The following HYAL2 variants were observed in gnomAD, a reference collection of about 807,000 sequenced individuals.
HYAL2 encodes hyaluronidase-2.
In HYAL2, 30 loss-of-function variants were observed where a neutral mutation model predicts 35.4. That is an observed-to-expected ratio of 0.85 (90% CI 0.63 to 1.15). The LOEUF (loss-of-function observed/expected upper bound fraction) is 1.15. Among genes scored for constraint, HYAL2 ranks in the 50% most tolerant of loss-of-function variants. The probability of loss-of-function intolerance (pLI) is 0.00; values close to 1 mark genes in which losing one functional copy is unlikely to be tolerated. For missense variants in HYAL2, 635 were observed against 646.5 expected, an observed-to-expected ratio of 0.98 and a Z score of 0.19; for synonymous variants, 262 against 252.8, an observed-to-expected ratio of 1.04 and a Z score of -0.34.
chr3:50,318,912 G>T lies in HYAL2; in HGVS notation c.1011+44C>A. 1 of 1,543,146 alleles carries T rather than the reference G, an allele frequency of 6.5e-7. No homozygotes were observed. The highest frequency in any genetic ancestry group is 9.0e-7 in the Non-Finnish European group (1 of 1,115,862). On this transcript the variant is annotated intron_variant, in intron 3 of 3. Coordinates refer to ENST00000357750, the MANE Select transcript of HYAL2 (RefSeq NM_003773.5). The surrounding 1 kb of genome is among the most constrained non-coding windows in gnomAD (Gnocchi z 4.5). ...TGGTAGCCAAAGGCCCTAACTCTCT[G>T]TCTGTCCCATAGACTGAGCTCTGGC...
chr3:50,320,386 G>A lies in HYAL2; in HGVS notation c.104C>T (p.Pro35Leu). Reference protein sequence around the residue: ...PTAPPIFTGRPFVVAWDVPTQ... With the variant: ...PTAPPIFTGRLFVVAWDVPTQ... The stretch of plus-strand genomic sequence containing the variant: ...GGGCACGTCCCACGCTACCACAAAG[G>A]GCCGGCCAGTGAAGATGGGTGGTGC... Residue 35 changes from proline to leucine, a missense_variant, in exon 2 of 4, where the codon CCC becomes CTC. By Grantham distance (98) the Pro-to-Leu change is moderately conservative. Transcript: ENST00000357750. The surrounding 1 kb of genome is among the most constrained non-coding windows in gnomAD (Gnocchi z 4.8). The A allele has an allele frequency of 6.2e-7, 1 of 1,612,368 alleles. No individual in the cohort carries two copies. The highest frequency in any genetic ancestry group is 8.5e-7 in the Non-Finnish European group (1 of 1,179,090).
intron 1 of HYAL2, chr3:50,321,440 T>C (rs1702693878): frequency 6.6e-6 from 1 of 152,104 alleles, no homozygotes; most frequent in African/African-American, 2.4e-5. Context: ...CTCCGGCCGT[T>C]CGCCCAGGCG....
Position 50,322,377 on chromosome 3 carries a change from C to A in HYAL2, c.-47+276G>T, listed in dbSNP as rs1218049154. ...GTTTCTGGCTGGACCTCCGAGAAAG[C>A]CAGCAAGAGGGGTCTCCCAGGGCCT... On this transcript the variant is annotated intron_variant, in intron 1 of 3. Coordinates refer to ENST00000357750, the MANE Select transcript of HYAL2 (RefSeq NM_003773.5). The surrounding 1 kb of genome is among the most constrained non-coding windows in gnomAD (Gnocchi z 5.5). 1 of 152,394 alleles carries A rather than the reference C, an allele frequency of 6.6e-6. No individual in the cohort carries two copies. Among genetic ancestry groups the A allele is most frequent in the Non-Finnish European group, 1.5e-5 (1 of 68,222 alleles). 9.4% of individuals were successfully genotyped at this position (152,394 alleles called of 1,614,324 possible).
In HYAL2 at chr3:50,318,966, G is replaced by C. The variant is rs1463536741; in HGVS notation, c.1001C>G (p.Thr334Ser). 2 of 1,613,546 alleles carry C rather than the reference G, an allele frequency of 1.2e-6. No homozygotes were observed. The highest frequency in any genetic ancestry group is 8.5e-7 in the Non-Finnish European group (1 of 1,179,728). Residue 334 changes from threonine (T) to serine (S), a missense_variant, in exon 3 of 4, where the codon ACC becomes AGC. Thr to Ser is a moderately conservative substitution (Grantham distance 58). Transcript: ENST00000357750. The surrounding 1 kb of genome is among the most constrained non-coding windows in gnomAD (Gnocchi z 4.5). ...GVILWGDAGY[T>S]TSTETCQYLK... ...CTGGGTCTCGCTTACCGTGCTTGTG[G>C]TGTACCCCGCGTCACCCCAGAGGAT...
In HYAL2 at chr3:50,319,051, C is replaced by A. The variant is rs199797993; in HGVS notation, c.922-6G>T. Reference sequence around the variant, plus strand: ...ATGGTAGAGATGAGGTCCATCTATGCAGGAAAAGGGATGGTCACTGGGGAA... The same window carrying A: ...ATGGTAGAGATGAGGTCCATCTATGAAGGAAAAGGGATGGTCACTGGGGAA... On this transcript the variant is annotated splice_region_variant and splice_polypyrimidine_tract_variant and intron_variant, in intron 2 of 3. Coordinates refer to ENST00000357750, the MANE Select transcript of HYAL2 (RefSeq NM_003773.5). 87 of 1,589,590 alleles carry A rather than the reference C, an allele frequency of 5.5e-5. No individual in the cohort carries two copies. Among genetic ancestry groups the A allele is most frequent in the Non-Finnish European group, 7.1e-5 (82 of 1,161,512 alleles).
rs200192248 is a variant in HYAL2 at position 50,318,513 on chromosome 3, G to A, written c.1038C>T (p.Tyr346=). The A allele has an allele frequency of 6.2e-7, 1 of 1,608,268 alleles. No individual in the cohort carries two copies. The highest frequency in any genetic ancestry group is 1.3e-5 in the African/African-American group (1 of 74,990). ...CGTAGGGGACCAGCAGCCGTGTCAG[G>A]TAATCTTTGAGGTACTGGCAGGTCT... ...STETCQYLKD[Y]LTRLLVPYVV... The change falls in exon 4 of 4, where the codon TAC becomes TAT. Residue 346 remains tyrosine (Y), a synonymous_variant. Transcript: ENST00000357750. This position sits in a 1 kb window ranked among gnomAD's most constrained non-coding sequence, Gnocchi z 4.5.
chr3:50,320,212 C>T lies in HYAL2; in HGVS notation c.278G>A (p.Gly93Glu), dbSNP rs782327523. 1.2e-6 allele frequency: 2 copies of T among 1,613,988 alleles called. No homozygotes were observed. The highest frequency in any genetic ancestry group is 1.7e-6 in the Non-Finnish European group (2 of 1,180,044). Residue 93 changes from glycine (G) to glutamate (E), a missense_variant, in exon 2 of 4, where the codon GGA (glycine) becomes GAA (glutamate). Coordinates refer to ENST00000357750, the MANE Select transcript of HYAL2 (RefSeq NM_003773.5). The surrounding 1 kb of genome is among the most constrained non-coding windows in gnomAD (Gnocchi z 4.8). ...TGGCACACCACCATGCACAGACCTT[C>T]CGGCAGAATCGAAGCGTGGATACAG... ...LGLYPRFDSAGRSVHGGVPQN... is the reference protein window; with the variant it reads ...LGLYPRFDSAERSVHGGVPQN...
At chr3:50,319,138 G>T in intron 2 of HYAL2, 93 bp from the exon 3 acceptor site, 1 of 821,590 alleles carries the variant, frequency 1.2e-6, no homozygotes, top group Non-Finnish European at 1.9e-6. Context: ...GATTCAACCT[G>T]CTGAACTCCC....
intron 2 of HYAL2, 38 bp downstream of exon 2, chr3:50,319,531 A>G (rs782422364): frequency 1.3e-6 from 2 of 1,555,274 alleles, no homozygotes; most frequent in African/African-American, 2.7e-5. Flanking sequence ...TGGATCCTCA[A>G]GGAAGGAGAA....
In HYAL2 at chr3:50,318,805, G is replaced by A. The variant is rs587601093; in HGVS notation, c.1011+151C>T. ...TCCTCTTTCCTGAGAGCAGGGCCGG[G>A]GTGACCTCCTCCTGTTGCCACCAGG... On this transcript the variant is annotated intron_variant, in intron 3 of 3. Transcript: ENST00000357750. The surrounding 1 kb of genome is among the most constrained non-coding windows in gnomAD (Gnocchi z 4.5). 3.9e-5 allele frequency: 29 copies of A among 738,286 alleles called. No homozygotes were observed. The East Asian group carries it at 6.7e-4, about 17-fold the overall frequency. 45.7% of individuals were successfully genotyped at this position (738,286 alleles called of 1,614,324 possible). A position where few individuals can be genotyped will look rare whatever the true frequency, so the allele number is the denominator to read the frequency against.
rs782364122 is a variant in HYAL2, at chr3:50,319,013, C to T, written c.954G>A (p.Ala318=). Residue 318 remains alanine (A), a synonymous_variant, in exon 3 of 4, where the codon GCG becomes GCA. Transcript: ENST00000357750. The stretch of plus-strand genomic sequence containing the variant: ...GGATGACACCAGCTGCGCCCAGGGC[C>T]GCACTCTCGCCAATGGTAGAGATGA... ...MDLISTIGES[A]ALGAAGVILW... is the part of the protein sequence containing the mutation. 2.4e-5 allele frequency: 38 copies of T among 1,609,940 alleles called. No individual in the cohort carries two copies. In the Admixed American group the frequency reaches 2.7e-4, roughly 11 times the overall value.
In HYAL2 at chr3:50,318,121, G is replaced by C; in HGVS notation, c.*8C>G. 1 of 1,544,664 alleles carries C rather than the reference G, an allele frequency of 6.5e-7. No individual in the cohort carries two copies. Among genetic ancestry groups the C allele is most frequent in the Non-Finnish European group, 8.7e-7 (1 of 1,144,114 alleles). ...GGCCAGCTTGCTAGGCAGCTAGGCA[G>C]GAGACCCCTACAAGGTCCAGGTAAA... On this transcript the variant is annotated 3_prime_UTR_variant, in exon 4 of 4. Coordinates refer to ENST00000357750, the MANE Select transcript of HYAL2 (RefSeq NM_003773.5). This position sits in a 1 kb window ranked among gnomAD's most constrained non-coding sequence, Gnocchi z 4.5.
chr3:50,319,104 G>T, intron 2 of HYAL2, 59 bp from the exon 3 acceptor site: 1 of 1,280,818 alleles, frequency 7.8e-7, no homozygotes, highest in Non-Finnish European at 1.1e-6. Flanking sequence ...GACAGGAACA[G>T]ACAAGGAGGG....
intron 2 of HYAL2, 73 bp from the exon 3 acceptor site, chr3:50,319,118 A>AC: frequency 1.9e-6 from 2 of 1,077,448 alleles, no homozygotes; most frequent in Non-Finnish European, 2.7e-6. Context: ...AGGAGGGCAG[A>AC]CCCCAGCCTG....
chr3:50,320,129 T>C lies in HYAL2; in HGVS notation c.361A>G (p.Ile121Val). The C allele has an allele frequency of 6.2e-7, 1 of 1,613,852 alleles. No individual in the cohort carries two copies. Among genetic ancestry groups the C allele is most frequent in the Admixed American group, 1.7e-5 (1 of 60,032 alleles). ...KMLQKRVEHY[I>V]RTQESAGLAV... is the part of the protein sequence containing the mutation. ...AGCCCCGCAGACTCCTGTGTCCGAA[T>C]GTAGTGCTCCACACGTTTCTGCAGC... The change falls in exon 2 of 4, where the codon ATT becomes GTT. Residue 121 changes from isoleucine to valine, a missense_variant. Coordinates refer to ENST00000357750, the MANE Select transcript of HYAL2 (RefSeq NM_003773.5). This position sits in a 1 kb window ranked among gnomAD's most constrained non-coding sequence, Gnocchi z 4.8.
chr3:50,321,508 T>G (rs933773341), intron 1 of HYAL2: 1 of 151,430 alleles, frequency 6.6e-6, no homozygotes, highest in African/African-American at 2.4e-5. Context: ...CCTTTAAGAC[T>G]CCAGTGCGGA....
At position 50,319,029 on chromosome 3, in the gene HYAL2, G is replaced by A. The variant is rs782738842; in HGVS notation, c.938C>T (p.Thr313Ile). The change falls in exon 3 of 4, where the codon ACC becomes ATC. Residue 313 changes from threonine (T) to isoleucine (I), a missense_variant. Physicochemically the swap from Thr to Ile is moderately conservative, Grantham distance 89 (BLOSUM62 -1). Coordinates refer to ENST00000357750, the MANE Select transcript of HYAL2 (RefSeq NM_003773.5). ...GCCCAGGGCCGCACTCTCGCCAATG[G>A]TAGAGATGAGGTCCATCTATGCAGG... ...TGLSEMDLIS[T>I]IGESAALGAA... 6.2e-7 allele frequency: 1 copy of A among 1,605,374 alleles called. No homozygotes were observed. The highest frequency in any genetic ancestry group is 8.5e-7 in the Non-Finnish European group (1 of 1,173,546).
chr3:50,318,064 T>A lies in HYAL2; in HGVS notation c.*65A>T, dbSNP rs1553715784. The A allele has an allele frequency of 4.0e-6, 6 of 1,498,150 alleles. No homozygotes were observed. The highest frequency in any genetic ancestry group is 5.4e-6 in the Non-Finnish European group (6 of 1,117,364). The allele number at this position is 1,498,150 out of a possible 1,614,324, so 92.8% of individuals were successfully genotyped here. On this transcript the variant is annotated 3_prime_UTR_variant, in exon 4 of 4. Transcript: ENST00000357750. The surrounding 1 kb of genome is among the most constrained non-coding windows in gnomAD (Gnocchi z 4.5). Reference sequence around the variant, plus strand: ...TCCAGTTTGTCCACCCCCTGCAGGGTCCTACATGCCTAAGAGAGCCCTTGT... The same window carrying A: ...TCCAGTTTGTCCACCCCCTGCAGGGACCTACATGCCTAAGAGAGCCCTTGT...
At chr3:50,321,824 G>GC (rs1559834299) in intron 1 of HYAL2, 1 of 148,188 alleles carries the variant, frequency 6.7e-6, no homozygotes, top group Non-Finnish European at 1.5e-5. Context: ...AAGGGGGGGG[G>GC]GGGGAATAGG....
Sources: allele counts gnomAD v4.1 joint callset, GRCh38; gene constraint gnomAD v4.1.1; non-coding constraint Gnocchi (gnomAD v3.1); transcripts MANE v1.5; gene names NCBI Gene and HGNC (gene_info 2026-07-23, HGNC 2026-07-21).